Variants in NOC4L observed in about 807,000 individuals in gnomAD.
The protein encoded by NOC4L is nucleolar complex associated 4 homolog.
NOC4L carries 40 observed loss-of-function variants against 62.8 expected under a neutral mutation model. That is an observed-to-expected ratio of 0.64 (90% CI 0.49 to 0.83). The LOEUF is 0.83. NOC4L is among the 40% of genes least tolerant of loss of function. The pLI is 0.00. For missense variants in NOC4L, 927 were observed against 701.9 expected, an observed-to-expected ratio of 1.32 and a Z score of -3.62; for synonymous variants, 433 against 299.8, an observed-to-expected ratio of 1.44 and a Z score of -4.59.
In NOC4L at chr12:132,151,654, G is replaced by C; in HGVS notation, c.1234+10G>C. 1 of 1,611,320 alleles carries C rather than the reference G, an allele frequency of 6.2e-7. No individual in the cohort carries two copies. Among genetic ancestry groups the C allele is most frequent in the African/African-American group, 1.3e-5 (1 of 75,018 alleles). The stretch of plus-strand genomic sequence containing the variant: ...CGTCCACACGGCCCTGGTGAGTTGC[G>C]GGGCCCTCGGAGGCTGGGCTGGAGC... On this transcript the variant is annotated intron_variant, in intron 12 of 14. Coordinates refer to ENST00000330579, the MANE Select transcript of NOC4L (RefSeq NM_024078.3).
At chr12:132,152,002 G>A in intron 13 of NOC4L, 82 bp from the exon 14 acceptor site, 1 of 1,406,126 alleles carries the variant, frequency 7.1e-7, no homozygotes, top group East Asian at 2.4e-5. Context: ...GCCCACTCTG[G>A]TTGGGAGCAC....
At position 132,148,720 on chromosome 12, in the gene NOC4L, C is replaced by T. The variant is rs1027999340; in HGVS notation, c.789+61C>T. The T allele has an allele frequency of 2.1e-5, 31 of 1,451,224 alleles. No homozygotes were observed. In the African/African-American group the frequency reaches 4.2e-4, roughly 20 times the overall value. 89.9% of individuals were successfully genotyped at this position (1,451,224 alleles called of 1,614,324 possible). ...TCCGGGTCTCCCCCAGGGCGGAGGC[C>T]TCACCCCGACCCGCCGGCCCCCGCC... On this transcript the variant is annotated intron_variant, in intron 8 of 14. Coordinates refer to ENST00000330579, the MANE Select transcript of NOC4L (RefSeq NM_024078.3).
At chr12:132,146,561 A>G (rs1406502467) in intron 3 of NOC4L, among the ~76,000 whole-genome samples, 1 of 152,170 alleles carries the variant, frequency 6.6e-6, no homozygotes, top group African/African-American at 2.4e-5. Flanking sequence ...TAGCTGCGCT[A>G]TCTTACCCTC....
In NOC4L at chr12:132,144,526, C is replaced by T. The variant is rs773097883; in HGVS notation, c.38C>T (p.Ala13Val). ...CCGGGCGCCGCGGGAGTTCGCCGGG[C>T]TCTGGGCCGCCGGCTGGAGGCGGTG... ...REPGAAGVRR[A>V]LGRRLEAVLA... Residue 13 changes from alanine (A) to valine (V), a missense_variant, in exon 1 of 15, where the codon GCT (alanine) becomes GTT (valine). Transcript: ENST00000330579. The T allele has an allele frequency of 2.6e-6, 4 of 1,520,014 alleles. No individual in the cohort carries two copies. Among genetic ancestry groups the T allele is most frequent in the Non-Finnish European group, 2.6e-6 (3 of 1,142,840 alleles). The allele number at this position is 1,520,014 out of a possible 1,614,324, so 94.2% of individuals were successfully genotyped here.
At position 132,148,904 on chromosome 12, in the gene NOC4L, C is replaced by G. The variant is rs201555901; in HGVS notation, c.901+9C>G. ...CCGCGCCTGCGACCTCGGTGAGTGC[C>G]GCCGCCTCGCTCACACCACACCCCT... On this transcript the variant is annotated intron_variant, in intron 9 of 14. Transcript: ENST00000330579. The G allele has an allele frequency of 2.4e-4, 307 of 1,262,576 alleles. 3 individuals are homozygous for G. The highest frequency in any genetic ancestry group is 1.2e-3 in the African/African-American group (73 of 62,790). The allele number at this position is 1,262,576 out of a possible 1,614,324, so 78.2% of individuals were successfully genotyped here.
At chr12:132,150,615 C>G (rs867914103) in intron 9 of NOC4L, among the ~76,000 whole-genome samples, 7 of 642 alleles carry the variant, frequency 0.011, 2 homozygotes, top group South Asian at 0.14. Flanking sequence ...CGGTGAGTGC[C>G]GCCGCCTCGC....
intron 7 of NOC4L, among the ~76,000 whole-genome samples, 189 bp downstream of exon 7, chr12:132,148,295 C>T (rs1324959405): frequency 6.6e-6 from 1 of 152,196 alleles, no homozygotes; most frequent in Non-Finnish European, 1.5e-5. Flanking sequence ...GGGACCCTCC[C>T]TTGGGTCAGA....
At position 132,145,556 on chromosome 12, in the gene NOC4L, C is replaced by T. The variant is rs753639835; in HGVS notation, c.239-3C>T. The T allele has an allele frequency of 5.0e-6, 8 of 1,606,962 alleles. No individual in the cohort carries two copies. In the Admixed American group the frequency reaches 1.3e-4, roughly 27 times the overall value. On this transcript the variant is annotated splice_region_variant and splice_polypyrimidine_tract_variant and intron_variant, in intron 2 of 14. Coordinates refer to ENST00000330579, the MANE Select transcript of NOC4L (RefSeq NM_024078.3). ...TGGGCTGACCACCCTAACCTGTCTGCAGGGTCCCAGGGAGCCACACGGAAG... is the reference window on the plus strand; with the variant it reads ...TGGGCTGACCACCCTAACCTGTCTGTAGGGTCCCAGGGAGCCACACGGAAG...
At chr12:132,148,692 G>A (rs1410585817) in intron 8 of NOC4L, 33 bp downstream of exon 8, 7 of 1,527,866 alleles carry the variant, frequency 4.6e-6, no homozygotes, top group Admixed American at 2.0e-5. Context: ...GGCGGGGGCG[G>A]CATCCGGGTC....
chr12:132,146,372 T>C (rs1285736499), intron 3 of NOC4L: 2 of 454,084 alleles, frequency 4.4e-6, no homozygotes, highest in Middle Eastern at 3.3e-4. Context: ...GCTCGTAGGT[T>C]GCTGGGCATT....
chr12:132,145,659 G>T lies in NOC4L; in HGVS notation c.339G>T (p.Gln113His). The T allele has an allele frequency of 1.4e-5, 23 of 1,608,966 alleles. No individual in the cohort carries two copies. The highest frequency in any genetic ancestry group is 1.9e-5 in the Non-Finnish European group (22 of 1,176,140). Residue 113 changes from glutamine to histidine, a missense_variant, in exon 3 of 15, where the codon CAG (glutamine) becomes CAT (histidine). Gln to His is a conservative substitution (Grantham distance 24, BLOSUM62 0). Transcript: ENST00000330579. ...LGELLGHPSF[Q>H]VKELALSALL... ...AGCTCCTGGGCCACCCCTCCTTTCA[G>T]GTCAAGGTGGGTCATTGGGCTGGCC...
intron 7 of NOC4L, 92 bp downstream of exon 7, chr12:132,148,198 A>C: frequency 7.8e-7 from 1 of 1,289,182 alleles, no homozygotes; most frequent in Non-Finnish European, 1.1e-6. Context: ...CGCCTTCCTC[A>C]CCAGAGGAAA....
At position 132,150,755 on chromosome 12, in the gene NOC4L, C is replaced by T. The variant is rs1042502987; in HGVS notation, c.902-226C>T. Reference sequence around the variant, plus strand: ...ATCCCCTCGGTGAGTGCCGCCGCCTCGCTCACACCCCCAACCCCCACCCCG... The same window carrying T: ...ATCCCCTCGGTGAGTGCCGCCGCCTTGCTCACACCCCCAACCCCCACCCCG... On this transcript the variant is annotated intron_variant, in intron 9 of 14. Coordinates refer to ENST00000330579, the MANE Select transcript of NOC4L (RefSeq NM_024078.3). The T allele has an allele frequency of 1.5e-5, 9 of 592,150 alleles. 2 individuals carry two copies. The highest frequency in any genetic ancestry group is 3.8e-5 in the African/African-American group (2 of 53,310). The allele number at this position is 592,150 out of a possible 1,614,324, so 36.7% of individuals were successfully genotyped here.
rs1386550167 is a variant in NOC4L at position 132,152,288 on chromosome 12, G to A, written c.1438G>A (p.Glu480Lys). 9.6e-6 allele frequency: 15 copies of A among 1,566,070 alleles called. No homozygotes were observed. Among genetic ancestry groups the A allele is most frequent in the Non-Finnish European group, 1.2e-5 (14 of 1,156,066 alleles). ...CGTGCTTTGTGCTTTGCAGATCTTTGAGCGGGACCTGAAGAAGAAGGGGCC... is the reference window on the plus strand; with the variant it reads ...CGTGCTTTGTGCTTTGCAGATCTTTAAGCGGGACCTGAAGAAGAAGGGGCC... ...LLELTAYEIF[E>K]RDLKKKGPEP... Residue 480 changes from glutamate to lysine, a missense_variant, in exon 15 of 15, where the codon GAG (glutamate) becomes AAG (lysine). Glu to Lys is a moderately conservative substitution (Grantham distance 56). Coordinates refer to ENST00000330579, the MANE Select transcript of NOC4L (RefSeq NM_024078.3).
chr12:132,145,348 C>T (rs562524994), intron 2 of NOC4L, among the ~76,000 whole-genome samples: 75 of 152,326 alleles, frequency 4.9e-4, no homozygotes, highest in Non-Finnish European at 9.1e-4. Context: ...TTGGCTGGGG[C>T]AGTCCTGGGG....
At position 132,152,423 on chromosome 12, in the gene NOC4L, A is replaced by G. The variant is rs761247366; in HGVS notation, c.*22A>G. Reference sequence around the variant, plus strand: ...CTGACCCTGGCCCACCTGTGAATAAATCTCAGCTGACCCCAGCCCACCTGT... The same window carrying G: ...CTGACCCTGGCCCACCTGTGAATAAGTCTCAGCTGACCCCAGCCCACCTGT... On this transcript the variant is annotated 3_prime_UTR_variant, in exon 15 of 15. Coordinates refer to ENST00000330579, the MANE Select transcript of NOC4L (RefSeq NM_024078.3). 3.8e-6 allele frequency: 6 copies of G among 1,562,582 alleles called. No homozygotes were observed. Among genetic ancestry groups the G allele is most frequent in the Admixed American group, 1.8e-5 (1 of 56,542 alleles).
In NOC4L at chr12:132,144,550, T is replaced by C; in HGVS notation, c.62T>C (p.Val21Ala). The C allele has an allele frequency of 2.6e-6, 4 of 1,519,764 alleles. No individual in the cohort carries two copies. Among genetic ancestry groups the C allele is most frequent in the Non-Finnish European group, 3.5e-6 (4 of 1,141,954 alleles). 94.1% of individuals were successfully genotyped at this position (1,519,764 alleles called of 1,614,324 possible). Residue 21 changes from valine (V) to alanine (A), a missense_variant, in exon 1 of 15, where the codon GTG becomes GCG. Coordinates refer to ENST00000330579, the MANE Select transcript of NOC4L (RefSeq NM_024078.3). ...GCTCTGGGCCGCCGGCTGGAGGCGG[T>C]GCTGGCGAGCCGCAGTGAGGCCAAC... ...RRALGRRLEA[V>A]LASRSEANAV...
At chr12:132,151,846 G>A (rs768379324) in intron 13 of NOC4L, 26 bp downstream of exon 13, 30 of 1,603,234 alleles carry the variant, frequency 1.9e-5, no homozygotes, top group Non-Finnish European at 2.6e-5. Context: ...CCACACCCTG[G>A]GGCCTCCCGA....
In NOC4L at chr12:132,151,329, C is replaced by T. The variant is rs201493263; in HGVS notation, c.1034C>T (p.Ala345Val). ...DPSVFHVKYRARFFHLADLFL... is the reference protein window; with the variant it reads ...DPSVFHVKYRVRFFHLADLFL... ...TCTGTCTTTCACGTCAAGTACCGCG[C>T]CCGCTTCTTCCACCTGGCTGACCTC... Residue 345 changes from alanine to valine, a missense_variant, in exon 11 of 15, where the codon GCC becomes GTC. By Grantham distance (64) the Ala-to-Val change is moderately conservative. Coordinates refer to ENST00000330579, the MANE Select transcript of NOC4L (RefSeq NM_024078.3). 2.5e-6 allele frequency: 4 copies of T among 1,611,530 alleles called. No individual in the cohort carries two copies. The highest frequency in any genetic ancestry group is 1.3e-5 in the African/African-American group (1 of 75,056).
Sources: allele counts gnomAD v4.1 joint callset (sites outside exome capture counted in the v4.1 genomes callset), GRCh38; gene constraint gnomAD v4.1.1; transcripts MANE v1.5; gene names NCBI Gene and HGNC (gene_info 2026-07-23, HGNC 2026-07-21).